Variants in FZD6 observed in about 807,000 individuals in gnomAD.
The protein encoded by FZD6 is frizzled class receptor 6.
Under a neutral mutation model 61.4 loss-of-function variants are expected in FZD6, and 49 were observed. The observed-to-expected ratio is 0.80, with a 90% CI of 0.63 to 1.01. FZD6 has a LOEUF of 1.01. FZD6 is among the 50% of genes least tolerant of loss of function. The probability of loss-of-function intolerance (pLI) is 0.00; values close to 1 mark genes in which losing one functional copy is unlikely to be tolerated. For missense variants in FZD6, 724 were observed against 848.2 expected, an observed-to-expected ratio of 0.85 and a Z score of 1.82; for synonymous variants, 265 against 292.2, an observed-to-expected ratio of 0.91 and a Z score of 0.95.
Position 103,309,058 on chromosome 8 carries a change from C to T in FZD6, c.177+8774C>T, listed in dbSNP as rs182856068. ...CAGAGCTGAAGAGCTGATGATGTTCCCCTAAAGCTGAAGCTCTTAAGCTTT... is the reference window on the plus strand; with the variant it reads ...CAGAGCTGAAGAGCTGATGATGTTCTCCTAAAGCTGAAGCTCTTAAGCTTT... On this transcript the variant is annotated intron_variant, in intron 2 of 6. Transcript: ENST00000358755. 7.2e-5 allele frequency among the ~76,000 whole-genome samples: 11 copies of T among 152,260 alleles called. No homozygotes were observed. The East Asian group carries it at 1.5e-3, about 21-fold the overall frequency.
At chr8:103,313,749 A>G (rs1256025884) in intron 2 of FZD6, among the ~76,000 whole-genome samples, 2 of 141,282 alleles carry the variant, frequency 1.4e-5, no homozygotes, top group Admixed American at 7.2e-5. Context: ...CTGACCTGAG[A>G]CTTGATTTTT....
chr8:103,304,763 A>G (rs1814282216), intron 2 of FZD6, among the ~76,000 whole-genome samples: 1 of 152,270 alleles, frequency 6.6e-6, no homozygotes, highest in Admixed American at 6.5e-5. Context: ...TAAGGATAGT[A>G]TAGAATGAAA....
intron 2 of FZD6, among the ~76,000 whole-genome samples, chr8:103,316,778 C>A (rs116539898): frequency 6.6e-6 from 1 of 152,092 alleles, no homozygotes; most frequent in East Asian, 1.9e-4. Flanking sequence ...ACATTTATGA[C>A]CTTCTCTTTG....
rs1814294231 is a variant in FZD6, at chr8:103,305,113, A to G, written c.177+4829A>G. On this transcript the variant is annotated intron_variant, in intron 2 of 6. Coordinates refer to ENST00000358755, the MANE Select transcript of FZD6 (RefSeq NM_003506.4). ...TTCCATTGTGTTCCTTTTGTTTCAT[A>G]TCTAGAGCATTGTGAGATTGAGGTC... Among the ~76,000 whole-genome samples the G allele has an allele frequency of 2.0e-5, 3 of 152,366 alleles. No individual in the cohort carries two copies. In the South Asian group the frequency reaches 6.2e-4, roughly 32 times the overall value.
At chr8:103,307,241 C>T (rs1281142761) in intron 2 of FZD6, among the ~76,000 whole-genome samples, 1 of 152,184 alleles carries the variant, frequency 6.6e-6, no homozygotes, top group Non-Finnish European at 1.5e-5. Flanking sequence ...CAGACTTTCC[C>T]TTCAGGATCT....
Position 103,328,257 on chromosome 8 carries a change from A to G in FZD6, c.1393-11A>G, listed in dbSNP as rs371466170. On this transcript the variant is annotated splice_polypyrimidine_tract_variant and intron_variant, in intron 4 of 6. Coordinates refer to ENST00000358755, the MANE Select transcript of FZD6 (RefSeq NM_003506.4). ...ATCACTGAAAATATTATTATTCACT[A>G]TTTTTTGTAGGCAAAAGCAAAAGCT... 56 of 1,599,736 alleles carry G rather than the reference A, an allele frequency of 3.5e-5. No individual in the cohort carries two copies. The African/African-American group carries it at 4.3e-4, about 12-fold the overall frequency.
chr8:103,318,830 A>G (rs778266936), intron 3 of FZD6, 44 bp downstream of exon 3: 2 of 1,040,596 alleles, frequency 1.9e-6, no homozygotes. Context: ...GTATTTTACT[A>G]CTGGTACTAG....
intron 3 of FZD6, among the ~76,000 whole-genome samples, chr8:103,320,892 A>G (rs1274055774): frequency 2.0e-5 from 3 of 152,322 alleles, no homozygotes; most frequent in South Asian, 4.1e-4. Flanking sequence ...TTCAACTCAT[A>G]TTTCTTGTAC....
chr8:103,319,880 T>C (rs1814732728), intron 3 of FZD6, among the ~76,000 whole-genome samples: 1 of 152,114 alleles, frequency 6.6e-6, no homozygotes, highest in Non-Finnish European at 1.5e-5. Context: ...ACAGAGTTCT[T>C]AGGGAAGCTG....
chr8:103,304,192 A>G (rs1298767947), intron 2 of FZD6, among the ~76,000 whole-genome samples: 1 of 152,210 alleles, frequency 6.6e-6, no homozygotes, highest in East Asian at 1.9e-4. Context: ...TCTCTTAGTC[A>G]CTGAGAATTC....
chr8:103,318,492 G>T, intron 2 of FZD6, 98 bp from the exon 3 acceptor site: 1 of 750,534 alleles, frequency 1.3e-6, no homozygotes. Context: ...TTCTTTTGCA[G>T]TATAAGTGAA....
At chr8:103,315,486 T>G (rs777188688) in intron 2 of FZD6, among the ~76,000 whole-genome samples, 6 of 152,196 alleles carry the variant, frequency 3.9e-5, no homozygotes, top group Non-Finnish European at 7.3e-5. Flanking sequence ...ACAATGATGC[T>G]AAGTGAAAGA....
intron 5 of FZD6, among the ~76,000 whole-genome samples, chr8:103,328,664 TATGA>T (rs1316308395): frequency 1.3e-5 from 2 of 151,976 alleles, no homozygotes; most frequent in Admixed American, 6.6e-5. Flanking sequence ...CTATTTGAAA[TATGA>T]ATGAATGATT....
At position 103,313,680 on chromosome 8, in the gene FZD6, A is replaced by G. The variant is rs1814555230; in HGVS notation, c.178-4910A>G. On this transcript the variant is annotated intron_variant, in intron 2 of 6. Coordinates refer to ENST00000358755, the MANE Select transcript of FZD6 (RefSeq NM_003506.4). ...TTCTCTCAAGTCCCTTCCAAGTCTA[A>G]AATTCTTTAAGTCTATTCATCTGCA... is the stretch of plus-strand genomic sequence containing the variant. Among the ~76,000 whole-genome samples the G allele has an allele frequency of 1.3e-5, 2 of 152,070 alleles. 1 individual carries two copies. Among genetic ancestry groups the G allele is most frequent in the Admixed American group, 1.3e-4 (2 of 15,262 alleles).
intron 1 of FZD6, 78 bp from the exon 2 acceptor site, chr8:103,299,878 A>T (rs1814100916): frequency 2.0e-6 from 1 of 487,992 alleles, no homozygotes; most frequent in African/African-American, 1.9e-5. Flanking sequence ...CTGGGGTGAA[A>T]ATCTTAACTC....
intron 2 of FZD6, among the ~76,000 whole-genome samples, chr8:103,313,112 T>C (rs1467571414): frequency 1.3e-5 from 2 of 152,126 alleles, no homozygotes; most frequent in African/African-American, 2.4e-5. Context: ...CTTACTACTA[T>C]TGTGACTATA....
chr8:103,313,778 G>GTA (rs1814560269), intron 2 of FZD6, among the ~76,000 whole-genome samples: 3 of 151,150 alleles, frequency 2.0e-5, no homozygotes, highest in Admixed American at 6.6e-5. Context: ...GTGTGTGTGT[G>GTA]TGTGTGTGTG....
At chr8:103,329,633 C>G (rs770146773) in intron 5 of FZD6, 22 bp from the exon 6 acceptor site, 6 of 1,563,658 alleles carry the variant, frequency 3.8e-6, no homozygotes, top group Non-Finnish European at 4.4e-6. Context: ...TGAGTAAATC[C>G]TCTCCTTCAA....
chr8:103,308,734 G>A, intron 2 of FZD6, among the ~76,000 whole-genome samples: 1 of 152,190 alleles, frequency 6.6e-6, no homozygotes, highest in East Asian at 1.9e-4. Context: ...CTTGAAGATG[G>A]AATGCAGTTG....
Sources: gnomAD v4.1 joint callset for allele counts (sites outside exome capture counted in the v4.1 genomes callset) on GRCh38, gnomAD v4.1.1 for gene constraint, MANE v1.5 for transcripts, NCBI Gene and HGNC (gene_info 2026-07-23, HGNC 2026-07-21) for gene names.